PAM: variants seen among roughly 807,000 people sequenced by gnomAD.
PAM encodes the protein peptidyl-glycine alpha-amidating monooxygenase.
A neutral mutation model predicts 122.1 loss-of-function variants in PAM; 72 were observed. The ratio of observed to expected loss-of-function variants is 0.59; its 90% CI spans 0.49 to 0.72. The LOEUF (loss-of-function observed/expected upper bound fraction) is 0.72. Ranked by LOEUF, PAM falls within the 30% of genes least tolerant of loss-of-function variation. PAM has a pLI of 0.00. For synonymous variants in PAM, 389 were observed against 404.4 expected, an observed-to-expected ratio of 0.96 and a Z score of 0.46; for missense variants, 1,106 against 1,183.7, an observed-to-expected ratio of 0.93 and a Z score of 0.96.
intron 1 of PAM, among the ~76,000 whole-genome samples, chr5:102,863,631 G>GT (rs779776288): frequency 0.016 from 2,249 of 138,076 alleles, 24 homozygotes; most frequent in African/African-American, 0.026. Flanking sequence ...GAAACTAAGG[G>GT]TTTTTTTTTT....
chr5:102,965,645 T>C (rs192630818), intron 14 of PAM, among the ~76,000 whole-genome samples: 53 of 152,150 alleles, frequency 3.5e-4, no homozygotes, highest in Admixed American at 1.3e-3. Flanking sequence ...ATCTCCTCAT[T>C]GTAGTCTTTG....
chr5:102,801,422 G>A (rs2150090735), intron 1 of PAM, among the ~76,000 whole-genome samples: 1 of 152,304 alleles, frequency 6.6e-6, no homozygotes, highest in Middle Eastern at 3.4e-3. Context: ...CCTTTTAGAA[G>A]CTATTGACAT....
At chr5:102,938,959 AGAAG>A in intron 7 of PAM, among the ~76,000 whole-genome samples, 1 of 152,262 alleles carries the variant, frequency 6.6e-6, no homozygotes, top group Non-Finnish European at 1.5e-5. Flanking sequence ...TTCTGGGAAA[AGAAG>A]GAATCATTAG....
chr5:102,823,235 C>A (rs1157840346), intron 1 of PAM, among the ~76,000 whole-genome samples: 2 of 152,042 alleles, frequency 1.3e-5, no homozygotes, highest in Admixed American at 1.3e-4. Context: ...GTCACCAAAG[C>A]TGAGAGTTTG....
At chr5:102,953,556 TG>T (rs1759692977) in intron 12 of PAM, among the ~76,000 whole-genome samples, 1 of 151,634 alleles carries the variant, frequency 6.6e-6, no homozygotes, top group South Asian at 2.1e-4. Flanking sequence ...TACTGAAGGG[TG>T]GGAAAGGAGG....
chr5:102,764,629 C>G (rs1037454768), intron 1 of PAM, among the ~76,000 whole-genome samples: 6 of 152,178 alleles, frequency 3.9e-5, no homozygotes, highest in African/African-American at 1.4e-4. Context: ...GTAGCTAAAA[C>G]TTAAAGCATC....
intron 5 of PAM, among the ~76,000 whole-genome samples, chr5:102,916,880 G>A (rs985485035): frequency 3.3e-5 from 5 of 151,280 alleles, no homozygotes; most frequent in Admixed American, 6.6e-5. Context: ...CTACAGGCGC[G>A]TGCCACCATG....
chr5:102,939,411 C>T (rs1754348677), intron 7 of PAM, among the ~76,000 whole-genome samples: 1 of 152,114 alleles, frequency 6.6e-6, no homozygotes, highest in Non-Finnish European at 1.5e-5. Context: ...CACAATTTAA[C>T]TGTGATGTAC....
At chr5:103,012,496 CCCA>C (rs1426717477) in intron 21 of PAM, among the ~76,000 whole-genome samples, 1 of 152,112 alleles carries the variant, frequency 6.6e-6, no homozygotes, top group Non-Finnish European at 1.5e-5. Flanking sequence ...ATCCAGTTTT[CCCA>C]CCACCATTTA....
chr5:102,994,880 A>T (rs1775200453), intron 16 of PAM, among the ~76,000 whole-genome samples: 1 of 152,072 alleles, frequency 6.6e-6, no homozygotes, highest in Non-Finnish European at 1.5e-5. Context: ...ATCTTCATAG[A>T]TGATGTTTAT....
At chr5:102,830,494 G>A (rs1381266873) in intron 1 of PAM, among the ~76,000 whole-genome samples, 1 of 152,104 alleles carries the variant, frequency 6.6e-6, no homozygotes, top group Non-Finnish European at 1.5e-5. Flanking sequence ...ACTTGTAACT[G>A]CTTGTTCATT....
intron 1 of PAM, among the ~76,000 whole-genome samples, chr5:102,774,881 G>A (rs1312627090): frequency 6.6e-6 from 1 of 151,904 alleles, no homozygotes; most frequent in Non-Finnish European, 1.5e-5. Flanking sequence ...TTCAGTTAGT[G>A]AAGATAAATT....
chr5:102,836,105 GT>G (rs1186437488), intron 1 of PAM, among the ~76,000 whole-genome samples: 2 of 152,196 alleles, frequency 1.3e-5, no homozygotes, highest in Non-Finnish European at 2.9e-5. Context: ...AGAGATGTTT[GT>G]GAAAAAATTT....
intron 7 of PAM, among the ~76,000 whole-genome samples, chr5:102,931,168 G>A (rs1751378673): frequency 1.3e-5 from 2 of 152,156 alleles, no homozygotes; most frequent in Admixed American, 6.5e-5. Flanking sequence ...ACAATATTTT[G>A]TCTAGTTACA....
rs1218310524 is a variant in PAM at position 102,907,845 on chromosome 5, G to T, written c.269-6089G>T. Among the ~76,000 whole-genome samples the T allele has an allele frequency of 3.7e-3, 557 of 151,800 alleles. 2 individuals carry two copies. Among genetic ancestry groups the T allele is most frequent in the African/African-American group, 0.012 (518 of 41,454 alleles). On this transcript the variant is annotated intron_variant, in intron 4 of 25. Transcript: ENST00000438793. ...TTTGTTTTTGTCTTGTAAATTTGTT[G>T]GAGTTCATTGTAGATTCTGGATATT...
intron 14 of PAM, among the ~76,000 whole-genome samples, chr5:102,966,326 C>T (rs1040954496): frequency 2.6e-5 from 4 of 152,106 alleles, no homozygotes; most frequent in Admixed American, 2.6e-4. Flanking sequence ...ATTTATCACA[C>T]AGTTAGGCTT....
intron 3 of PAM, among the ~76,000 whole-genome samples, chr5:102,876,347 G>C (rs987321333): frequency 1.3e-5 from 2 of 152,028 alleles, no homozygotes; most frequent in Non-Finnish European, 2.9e-5. Context: ...CCTGCAATCT[G>C]TGCTCCACTC....
chr5:102,950,835 A>T lies in PAM; in HGVS notation c.905+15A>T. On this transcript the variant is annotated intron_variant, in intron 12 of 25. Transcript: ENST00000438793. ...ACACACATTGGGTATGATTCTATAC[A>T]TTCCACTATTTAAAGATATTTTATT... The T allele has an allele frequency of 7.2e-7, 1 of 1,386,848 alleles. No individual in the cohort carries two copies. The highest frequency in any genetic ancestry group is 1.0e-6 in the Non-Finnish European group (1 of 977,712). 85.9% of individuals were successfully genotyped at this position (1,386,848 alleles called of 1,614,324 possible). A position where few individuals can be genotyped will look rare whatever the true frequency, so the allele number is the denominator to read the frequency against.
intron 7 of PAM, among the ~76,000 whole-genome samples, chr5:102,933,901 T>C (rs1416224479): frequency 6.6e-6 from 1 of 152,198 alleles, no homozygotes. Flanking sequence ...TGCTCCTGAC[T>C]TCCTGACACC....
Sources: gnomAD v4.1 joint callset for allele counts (sites outside exome capture counted in the v4.1 genomes callset) on GRCh38, gnomAD v4.1.1 for gene constraint, MANE v1.5 for transcripts, NCBI Gene and HGNC (gene_info 2026-07-23, HGNC 2026-07-21) for gene names.